The following TCTN2 variants were observed in gnomAD, a reference collection of about 807,000 sequenced individuals.
TCTN2 encodes tectonic-2.
In TCTN2, 66 loss-of-function variants were observed where a neutral mutation model predicts 83.4. The ratio of observed to expected loss-of-function variants is 0.79; its 90% CI spans 0.65 to 0.97. The LOEUF (loss-of-function observed/expected upper bound fraction) is 0.97. Among genes scored for constraint, TCTN2 ranks in the 50% least tolerant of loss-of-function variants. The pLI is 0.00. For synonymous variants in TCTN2, 301 were observed against 326.7 expected (o/e 0.92, Z 0.85); for missense variants, 794 against 858.1 (o/e 0.93, Z 0.93).
intron 4 of TCTN2, among the ~76,000 whole-genome samples, chr12:123,676,428 T>C (rs1282002708): frequency 6.6e-6 from 1 of 150,640 alleles, no homozygotes; most frequent in East Asian, 2.0e-4. Context: ...ATTAGCCGGG[T>C]ATGGTGGCGG....
chr12:123,703,582 G>A (rs1430148849), intron 14 of TCTN2, among the ~76,000 whole-genome samples: 1 of 152,252 alleles, frequency 6.6e-6, no homozygotes, highest in East Asian at 1.9e-4. Context: ...TGACTTCCCA[G>A]GCTGAAGCAA....
intron 3 of TCTN2, 59 bp from the exon 4 acceptor site, chr12:123,673,556 G>A: frequency 6.6e-7 from 1 of 1,526,560 alleles, no homozygotes; most frequent in African/African-American, 1.4e-5. Flanking sequence ...TTTCCATTAT[G>A]TATTCTTATA....
At chr12:123,701,020 T>G (rs1185231083) in intron 14 of TCTN2, among the ~76,000 whole-genome samples, 1 of 152,300 alleles carries the variant, frequency 6.6e-6, no homozygotes, top group East Asian at 1.9e-4. Context: ...GTTAGTGCAC[T>G]TCAGTTTGCA....
Position 123,706,833 on chromosome 12 carries a change from T to TA in TCTN2, c.1878dup (p.Pro627ThrfsTer15). ...CAGTTTATTAAAATTCCTGCACAGT[T>TA]ACCCCACCCCCTGACAAGGTACTCC... is the stretch of plus-strand genomic sequence containing the variant. On this transcript the variant is annotated frameshift_variant, in exon 16 of 18. Coordinates refer to ENST00000303372, the MANE Select transcript of TCTN2 (RefSeq NM_024809.5). LOFTEE classifies it high-confidence loss of function. 6.2e-7 allele frequency: 1 copy of TA among 1,614,156 alleles called. No homozygotes were observed. The highest frequency in any genetic ancestry group is 1.1e-5 in the South Asian group (1 of 91,080).
At chr12:123,700,417 C>T (rs748597637) in intron 14 of TCTN2, among the ~76,000 whole-genome samples, 1 of 151,952 alleles carries the variant, frequency 6.6e-6, no homozygotes, top group Non-Finnish European at 1.5e-5. Context: ...TTGCTTGAGG[C>T]CAGTTTTTTT....
At chr12:123,704,476 G>A (rs1057211350) in intron 14 of TCTN2, 56 bp from the exon 15 acceptor site, 2 of 1,545,398 alleles carry the variant, frequency 1.3e-6, no homozygotes, top group East Asian at 2.4e-5. Context: ...TTACGACATT[G>A]TAGGAAAACT....
chr12:123,672,565 C>T (rs1266301159), intron 3 of TCTN2, among the ~76,000 whole-genome samples: 4 of 151,358 alleles, frequency 2.6e-5, no homozygotes, highest in African/African-American at 9.7e-5. Flanking sequence ...GAGACCTCGT[C>T]TCTACAAAAC....
chr12:123,684,178 T>C (rs1955934573), intron 5 of TCTN2, among the ~76,000 whole-genome samples: 1 of 152,150 alleles, frequency 6.6e-6, no homozygotes, highest in Non-Finnish European at 1.5e-5. Context: ...TGGAGATAAG[T>C]ACACACCCAT....
chr12:123,706,906 A>G, intron 16 of TCTN2, 55 bp downstream of exon 16: 2 of 1,614,022 alleles, frequency 1.2e-6, no homozygotes, highest in Non-Finnish European at 1.7e-6. Flanking sequence ...ATATATTTGA[A>G]AATTGGAAGT....
intron 3 of TCTN2, among the ~76,000 whole-genome samples, chr12:123,672,451 T>TTA (rs1955766515): frequency 6.6e-6 from 1 of 152,164 alleles, no homozygotes; most frequent in South Asian, 2.1e-4. Context: ...CAAAAAAGCT[T>TTA]TATGCCAGGC....
At position 123,708,007 on chromosome 12, in the gene TCTN2, C is replaced by CTTTT. The variant is rs983291114; in HGVS notation, c.*314_*317dup. 61 of 214,186 alleles carry CTTTT rather than the reference C, an allele frequency of 2.8e-4. No homozygotes were observed. The highest frequency in any genetic ancestry group is 6.0e-4 in the East Asian group (5 of 8,364). 13.3% of individuals were successfully genotyped at this position (214,186 alleles called of 1,614,324 possible). On this transcript the variant is annotated 3_prime_UTR_variant, in exon 18 of 18. Transcript: ENST00000303372. ...ACAGGCATGAGCCACCGCACCCGGC[C>CTTTT]TTTTTTTTTTTTTTTTTTTTTTTGA...
intron 7 of TCTN2, among the ~76,000 whole-genome samples, chr12:123,688,541 T>A (rs912317486): frequency 3.3e-5 from 5 of 151,826 alleles, no homozygotes; most frequent in Non-Finnish European, 7.4e-5. Flanking sequence ...ATTTTTCCTG[T>A]CCTATTGTTA....
At chr12:123,672,259 T>C (rs1955763810) in intron 3 of TCTN2, 127 bp downstream of exon 3, 4 of 911,798 alleles carry the variant, frequency 4.4e-6, no homozygotes, top group African/African-American at 3.3e-5. Flanking sequence ...AATTGTGGGC[T>C]GTTGGATCTG....
At chr12:123,702,971 C>G (rs1422833247) in intron 14 of TCTN2, among the ~76,000 whole-genome samples, 2 of 152,092 alleles carry the variant, frequency 1.3e-5, no homozygotes, top group Non-Finnish European at 2.9e-5. Context: ...CAAAGAACCC[C>G]CTTCAGAGGA....
At chr12:123,675,125 A>C (rs1377692246) in intron 4 of TCTN2, among the ~76,000 whole-genome samples, 1 of 151,996 alleles carries the variant, frequency 6.6e-6, no homozygotes, top group East Asian at 1.9e-4. Flanking sequence ...TGATCCTCCC[A>C]CCATGGCTTC....
At chr12:123,688,749 C>T (rs190097577) in intron 7 of TCTN2, among the ~76,000 whole-genome samples, 5 of 151,264 alleles carry the variant, frequency 3.3e-5, no homozygotes, top group African/African-American at 1.2e-4. Flanking sequence ...ATGGAAGTAC[C>T]TATCATTCTT....
In TCTN2 at chr12:123,671,203, G is replaced by C; in HGVS notation, c.-38G>C. 1 of 1,582,688 alleles carries C rather than the reference G, an allele frequency of 6.3e-7. No homozygotes were observed. The highest frequency in any genetic ancestry group is 8.6e-7 in the Non-Finnish European group (1 of 1,160,264). ...GAGTCCTTCCTGGGTTCTAATGAGG[G>C]CGCGGTTCTGCTGTGCCCGGCCCGC... On this transcript the variant is annotated 5_prime_UTR_variant, in exon 1 of 18. Coordinates refer to ENST00000303372, the MANE Select transcript of TCTN2 (RefSeq NM_024809.5).
At chr12:123,678,483 T>G (rs1955852296) in intron 4 of TCTN2, among the ~76,000 whole-genome samples, 1 of 152,228 alleles carries the variant, frequency 6.6e-6, no homozygotes, top group South Asian at 2.1e-4. Context: ...AGACAGGGTT[T>G]CACTATGTTG....
At chr12:123,684,250 T>C (rs948374481) in intron 5 of TCTN2, among the ~76,000 whole-genome samples, 2 of 152,036 alleles carry the variant, frequency 1.3e-5, no homozygotes, top group Non-Finnish European at 2.9e-5. Context: ...TTCCTTTGGT[T>C]TTTTTGGTTG....
Sources: allele counts gnomAD v4.1 joint callset (sites outside exome capture counted in the v4.1 genomes callset), GRCh38; gene constraint gnomAD v4.1.1; transcripts MANE v1.5; gene names NCBI Gene and HGNC (gene_info 2026-07-23, HGNC 2026-07-21).